Variants in TTBK2 observed in about 807,000 individuals in gnomAD.
TTBK2 encodes the protein tau-tubulin kinase 2.
Under a neutral mutation model 110.8 loss-of-function variants are expected in TTBK2, and 28 were observed. The observed-to-expected ratio is 0.25, with a 90% CI of 0.19 to 0.35. The LOEUF (loss-of-function observed/expected upper bound fraction) is 0.35. Among genes scored for constraint, TTBK2 ranks in the 10% least tolerant of loss-of-function variants. The probability of loss-of-function intolerance (pLI) is 1.00; values close to 1 mark genes in which losing one functional copy is unlikely to be tolerated. For synonymous variants in TTBK2, 532 were observed against 527.3 expected (o/e 1.01, Z -0.12); for missense variants, 1,369 against 1,500.3 (o/e 0.91, Z 1.45).
At chr15:42,756,873 AC>A (rs58000821) in intron 13 of TTBK2, among the ~76,000 whole-genome samples, 9,120 of 151,144 alleles carry the variant, frequency 0.06, 664 homozygotes, top group African/African-American at 0.18. Context: ...CTCAAAAAAA[AC>A]AAAAACAAAA....
intron 1 of TTBK2, among the ~76,000 whole-genome samples, chr15:42,905,388 C>T (rs1360763420): frequency 6.6e-6 from 1 of 152,140 alleles, no homozygotes; most frequent in Non-Finnish European, 1.5e-5. Flanking sequence ...ATCTCCCCGT[C>T]TCAGCCTCCC....
chr15:42,828,146 C>A, intron 5 of TTBK2, 114 bp from the exon 6 acceptor site: 1 of 770,982 alleles, frequency 1.3e-6, no homozygotes, highest in Non-Finnish European at 2.1e-6. Flanking sequence ...CACACATGTT[C>A]CAAATATACT....
intron 11 of TTBK2, among the ~76,000 whole-genome samples, chr15:42,779,707 C>T (rs1000877970): frequency 6.6e-6 from 1 of 152,000 alleles, no homozygotes; most frequent in Non-Finnish European, 1.5e-5. Flanking sequence ...AGGCTGGGCG[C>T]GGTGGCTCAC....
chr15:42,765,319 C>T (rs369609792), intron 13 of TTBK2, among the ~76,000 whole-genome samples: 16 of 152,160 alleles, frequency 1.1e-4, no homozygotes, highest in Non-Finnish European at 1.5e-4. Flanking sequence ...CAAACTTCTC[C>T]GAGCTAAAGG....
intron 1 of TTBK2, among the ~76,000 whole-genome samples, chr15:42,913,131 CAAAAA>C (rs61404472): frequency 3.2e-5 from 1 of 30,914 alleles, no homozygotes; most frequent in African/African-American, 1.2e-4. Context: ...GACTCCGTCT[CAAAAA>C]AAAAAAAAAA....
At chr15:42,836,245 TG>T (rs988092025) in intron 4 of TTBK2, among the ~76,000 whole-genome samples, 3 of 152,162 alleles carry the variant, frequency 2.0e-5, no homozygotes, top group African/African-American at 7.2e-5. Context: ...GAGATAAGGT[TG>T]TTCCTTAAAA....
Position 42,760,687 on chromosome 15 carries a change from C to A in TTBK2, c.1999-7440G>T, listed in dbSNP as rs2062013925. Reference sequence around the variant, plus strand: ...AATGAAAGAAACTGAAGAGAACATACAATAAAATGGAAAGGTATCTCATGC... The same window carrying A: ...AATGAAAGAAACTGAAGAGAACATAAAATAAAATGGAAAGGTATCTCATGC... On this transcript the variant is annotated intron_variant, in intron 13 of 14. Transcript: ENST00000267890. Among the ~76,000 whole-genome samples, 3 of 151,992 alleles carry A rather than the reference C, an allele frequency of 2.0e-5. No homozygotes were observed. In the South Asian group the frequency reaches 6.2e-4, roughly 32 times the overall value.
chr15:42,890,700 T>G (rs1442334887), intron 1 of TTBK2, among the ~76,000 whole-genome samples: 1 of 152,184 alleles, frequency 6.6e-6, no homozygotes, highest in Non-Finnish European at 1.5e-5. Context: ...GCCTTTGTTA[T>G]GCTAATGAAG....
At chr15:42,912,941 A>C (rs1348567998) in intron 1 of TTBK2, among the ~76,000 whole-genome samples, 3 of 147,342 alleles carry the variant, frequency 2.0e-5, no homozygotes, top group East Asian at 2.1e-4. Context: ...CTGGCTAACA[A>C]GGTGAAACCC....
Position 42,766,731 on chromosome 15 carries a change from G to C in TTBK2, c.1998+8404C>G, listed in dbSNP as rs868202428. ...CAACATTAGTCAGATGAACCAGACA[G>C]AAGGTTAACAAGGATATCCAGGACT... On this transcript the variant is annotated intron_variant, in intron 13 of 14. Coordinates refer to ENST00000267890, the MANE Select transcript of TTBK2 (RefSeq NM_173500.4). 6.6e-4 allele frequency among the ~76,000 whole-genome samples: 100 copies of C among 152,272 alleles called. 1 individual carries two copies. In the Middle Eastern group the frequency reaches 0.017, roughly 26 times the overall value.
chr15:42,826,103 C>A (rs1892526739), intron 6 of TTBK2, among the ~76,000 whole-genome samples: 1 of 151,976 alleles, frequency 6.6e-6, no homozygotes, highest in Admixed American at 6.6e-5. Context: ...ACAGTCCAAA[C>A]AACCAATTCA....
chr15:42,854,467 T>C (rs915214488), intron 3 of TTBK2, among the ~76,000 whole-genome samples: 2 of 152,200 alleles, frequency 1.3e-5, no homozygotes, highest in South Asian at 2.1e-4. Flanking sequence ...AAAAACCTTA[T>C]TGAGTTCAAA....
At chr15:42,793,904 T>C (rs771998400) in intron 10 of TTBK2, among the ~76,000 whole-genome samples, 6 of 151,938 alleles carry the variant, frequency 3.9e-5, no homozygotes, top group Non-Finnish European at 8.8e-5. Flanking sequence ...AATTGTATGA[T>C]AATTTGTCCC....
chr15:42,751,850 G>A (rs1595876222), intron 14 of TTBK2, 124 bp downstream of exon 14: 2 of 1,232,872 alleles, frequency 1.6e-6, no homozygotes, highest in Non-Finnish European at 2.4e-6. Context: ...TAAGGCCTGG[G>A]AAAGGCAGGA....
intron 3 of TTBK2, among the ~76,000 whole-genome samples, chr15:42,843,870 C>A (rs774524264): frequency 4.0e-5 from 6 of 151,060 alleles, no homozygotes; most frequent in Non-Finnish European, 7.4e-5. Flanking sequence ...AGTGGACCAA[C>A]TGACACCACC....
intron 13 of TTBK2, among the ~76,000 whole-genome samples, chr15:42,766,381 C>T (rs148231168): frequency 0.022 from 3,139 of 144,784 alleles, 219 homozygotes; most frequent in East Asian, 0.15. Flanking sequence ...ACCTATCTCA[C>T]GTGCACAGAC....
chr15:42,884,900 TC>T (rs1567077634), intron 1 of TTBK2, among the ~76,000 whole-genome samples: 1 of 151,984 alleles, frequency 6.6e-6, no homozygotes, highest in African/African-American at 2.4e-5. Flanking sequence ...GTGATTTGTT[TC>T]CCCCCACCCT....
intron 1 of TTBK2, among the ~76,000 whole-genome samples, chr15:42,904,349 A>C (rs982024092): frequency 3.3e-5 from 5 of 152,214 alleles, no homozygotes; most frequent in African/African-American, 1.2e-4. Flanking sequence ...CTGAAAAATT[A>C]ATAACTTAGC....
chr15:42,786,875 C>G (rs1039985534), intron 10 of TTBK2, among the ~76,000 whole-genome samples: 1 of 151,854 alleles, frequency 6.6e-6, no homozygotes, highest in Admixed American at 6.6e-5. Flanking sequence ...ATAATTCCTT[C>G]CCAGGAAAAT....
Sources: allele counts gnomAD v4.1 joint callset (sites outside exome capture counted in the v4.1 genomes callset), GRCh38; gene constraint gnomAD v4.1.1; transcripts MANE v1.5; gene names NCBI Gene and HGNC (gene_info 2026-07-23, HGNC 2026-07-21).